Variants in ZNF143 observed in about 807,000 individuals in gnomAD.
ZNF143 encodes zinc finger protein 143.
A neutral mutation model predicts 74.1 loss-of-function variants in ZNF143; 49 were observed. The observed-to-expected ratio is 0.66, with a 90% confidence interval of 0.53 to 0.84. The LOEUF (loss-of-function observed/expected upper bound fraction) is 0.84. ZNF143 is among the 40% of genes least tolerant of loss of function. ZNF143 has a pLI of 0.00. For synonymous variants in ZNF143, 304 were observed against 282.8 expected (o/e 1.07, Z -0.75); for missense variants, 637 against 793.4 (o/e 0.80, Z 2.37).
chr11:9,480,730 A>T (rs975136317), intron 7 of ZNF143, among the ~76,000 whole-genome samples: 1 of 152,014 alleles, frequency 6.6e-6, no homozygotes. Context: ...TACTAAAAAT[A>T]CAAAAAATTA....
chr11:9,480,973 A>G (rs1847214556), intron 7 of ZNF143, among the ~76,000 whole-genome samples: 1 of 152,154 alleles, frequency 6.6e-6, no homozygotes, highest in South Asian at 2.1e-4. Context: ...AGCTGAAGTG[A>G]TGCTACAAAG....
chr11:9,508,421 A>C (rs1848434773), intron 11 of ZNF143, among the ~76,000 whole-genome samples, 198 bp from the exon 12 acceptor site: 1 of 152,188 alleles, frequency 6.6e-6, no homozygotes, highest in South Asian at 2.1e-4. Context: ...TGGAGACAGC[A>C]CTAAGGATCA....
At chr11:9,513,683 A>T (rs1251796374) in intron 13 of ZNF143, among the ~76,000 whole-genome samples, 1 of 152,136 alleles carries the variant, frequency 6.6e-6, no homozygotes, top group Non-Finnish European at 1.5e-5. Context: ...ATCACTTGAG[A>T]TCAGGAGTTT....
At chr11:9,471,955 G>A (rs1442447833) in intron 2 of ZNF143, among the ~76,000 whole-genome samples, 2 of 149,268 alleles carry the variant, frequency 1.3e-5, no homozygotes, top group African/African-American at 2.5e-5. Context: ...TTTGAGACAA[G>A]GTCTTGCTTT....
intron 7 of ZNF143, 89 bp downstream of exon 7, chr11:9,479,635 C>T (rs1414965759): frequency 2.9e-6 from 3 of 1,038,924 alleles, no homozygotes; most frequent in Non-Finnish European, 4.3e-6. Context: ...AACTCACTAC[C>T]TCTCTAGGAA....
intron 11 of ZNF143, among the ~76,000 whole-genome samples, chr11:9,504,673 C>CTTTTTTTTTTTTT (rs869310966): frequency 2.2e-5 from 2 of 89,446 alleles, no homozygotes; most frequent in Non-Finnish European, 5.2e-5. Flanking sequence ...TTTCTTTTTT[C>CTTTTTTTTTTTTT]TTTTTTTTTT....
At chr11:9,516,025 T>C (rs1157267481) in intron 13 of ZNF143, among the ~76,000 whole-genome samples, 176 bp from the exon 14 acceptor site, 1 of 152,086 alleles carries the variant, frequency 6.6e-6, no homozygotes, top group African/African-American at 2.4e-5. Context: ...AATATAAGAA[T>C]TGTTAAAAGA....
rs1849198032 is a variant in ZNF143 at position 9,528,381 on chromosome 11, C to T, written c.*768C>T. ...CAGGCTGGTGCCCGGGATAACAGTA[C>T]TGTAATTGGAAATGGCTTTACTCTG... is the stretch of plus-strand genomic sequence containing the variant. On this transcript the variant is annotated 3_prime_UTR_variant, in exon 16 of 16. Transcript: ENST00000396602. 1.3e-5 allele frequency: 2 copies of T among 152,038 alleles called. No individual in the cohort carries two copies. Among genetic ancestry groups the T allele is most frequent in the Admixed American group, 1.3e-4 (2 of 15,262 alleles). The allele number at this position is 152,038 out of a possible 1,614,324, so 9.4% of individuals were successfully genotyped here.
intron 7 of ZNF143, among the ~76,000 whole-genome samples, chr11:9,481,754 G>A (rs1332688790): frequency 1.7e-4 from 26 of 151,252 alleles, no homozygotes; most frequent in Non-Finnish European, 3.8e-4. Context: ...TGGGTGTGGT[G>A]GTGTGCGCCT....
At chr11:9,478,257 AAC>A (rs1314412512) in intron 5 of ZNF143, 131 bp from the exon 6 acceptor site, 9 of 803,992 alleles carry the variant, frequency 1.1e-5, no homozygotes, top group Non-Finnish European at 1.7e-5. Context: ...TAAATGAAAT[AAC>A]ACATATCAAG....
At chr11:9,514,039 T>C (rs1175804928) in intron 13 of ZNF143, among the ~76,000 whole-genome samples, 1 of 152,168 alleles carries the variant, frequency 6.6e-6, no homozygotes, top group Non-Finnish European at 1.5e-5. Flanking sequence ...ACTACAGGTG[T>C]GTACCACCAC....
intron 14 of ZNF143, 131 bp downstream of exon 14, chr11:9,516,493 A>G (rs1848727937): frequency 1.2e-6 from 1 of 834,634 alleles, no homozygotes; most frequent in Non-Finnish European, 1.8e-6. Context: ...CTTCTTAGCT[A>G]CTTAACCCTC....
chr11:9,471,124 T>C (rs1856540340), intron 1 of ZNF143, 178 bp from the exon 2 acceptor site: 2 of 432,276 alleles, frequency 4.6e-6, no homozygotes, highest in South Asian at 9.3e-5. Context: ...TGTTGAATTA[T>C]AAGAAGCATG....
chr11:9,478,135 T>C (rs1847088917), intron 5 of ZNF143, among the ~76,000 whole-genome samples: 1 of 152,202 alleles, frequency 6.6e-6, no homozygotes, highest in African/African-American at 2.4e-5. Context: ...CTGTTAATGT[T>C]TTTTAAATTT....
intron 5 of ZNF143, among the ~76,000 whole-genome samples, chr11:9,475,773 T>C (rs1856840235): frequency 6.6e-6 from 1 of 152,080 alleles, no homozygotes; most frequent in African/African-American, 2.4e-5. Flanking sequence ...AGTGCATGCC[T>C]TCAATCCTGG....
intron 1 of ZNF143, among the ~76,000 whole-genome samples, chr11:9,462,432 C>G (rs1458183154): frequency 6.6e-6 from 1 of 151,920 alleles, no homozygotes; most frequent in Non-Finnish European, 1.5e-5. Context: ...GTGAAATCAG[C>G]GTGTGCCTGT....
chr11:9,477,171 C>T (rs962162965), intron 5 of ZNF143, among the ~76,000 whole-genome samples: 5 of 132,656 alleles, frequency 3.8e-5, no homozygotes, highest in African/African-American at 1.5e-4. Flanking sequence ...TCCTTCCTTC[C>T]TCCTCTCCCT....
In ZNF143 at chr11:9,461,075, A is replaced by C. The variant is rs1373627026; in HGVS notation, c.-9A>C. 4 of 985,498 alleles carry C rather than the reference A, an allele frequency of 4.1e-6. No individual in the cohort carries two copies. Among genetic ancestry groups the C allele is most frequent in the Non-Finnish European group, 4.8e-6 (4 of 829,902 alleles). The allele number at this position is 985,498 out of a possible 1,614,324, so 61.0% of individuals were successfully genotyped here. A position where few individuals can be genotyped will look rare whatever the true frequency, so the allele number is the denominator to read the frequency against. On this transcript the variant is annotated splice_region_variant and 5_prime_UTR_variant, in exon 1 of 16. Transcript: ENST00000396602. ...AGGAATTGTTGGAAAATTTTCTCGG[A>C]GGTTCGTATATAAATGTGTTTTTAC...
intron 7 of ZNF143, among the ~76,000 whole-genome samples, chr11:9,487,421 A>G (rs907153970): frequency 3.3e-5 from 5 of 151,380 alleles, no homozygotes; most frequent in Non-Finnish European, 7.4e-5. Context: ...GTGCAGGGGC[A>G]TGATCTCAGC....
Sources: gnomAD v4.1 joint callset for allele counts (sites outside exome capture counted in the v4.1 genomes callset) on GRCh38, gnomAD v4.1.1 for gene constraint, MANE v1.5 for transcripts, NCBI Gene and HGNC (gene_info 2026-07-23, HGNC 2026-07-21) for gene names.